The following ALMS1 variants were observed in gnomAD, a reference collection of about 807,000 sequenced individuals.
ALMS1 encodes the protein centrosome-associated protein ALMS1.
A neutral mutation model predicts 352.2 loss-of-function variants in ALMS1; 271 were observed. The ratio of observed to expected loss-of-function variants is 0.77; its 90% CI spans 0.70 to 0.85. The LOEUF (loss-of-function observed/expected upper bound fraction) is 0.85. Ranked by LOEUF, ALMS1 falls within the 40% of genes least tolerant of loss-of-function variation. The pLI is 0.00. For missense variants in ALMS1, 5,445 were observed against 4,870.7 expected, an observed-to-expected ratio of 1.12 and a Z score of -3.51; for synonymous variants, 1,865 against 1,761.2, an observed-to-expected ratio of 1.06 and a Z score of -1.48.
At chr2:73,458,940 G>A (rs1672129882) in intron 9 of ALMS1, 1 of 152,170 alleles carries the variant, frequency 6.6e-6, no homozygotes, top group African/African-American at 2.4e-5. Flanking sequence ...TTTCTATAAT[G>A]TACAAGACAG....
At chr2:73,404,095 A>C (rs1670926190) in intron 1 of ALMS1, among the ~76,000 whole-genome samples, 1 of 152,014 alleles carries the variant, frequency 6.6e-6, no homozygotes, top group Admixed American at 6.6e-5. Flanking sequence ...ATGGGGTTTC[A>C]CCATTGCTGG....
intron 10 of ALMS1, among the ~76,000 whole-genome samples, chr2:73,497,440 C>A (rs1433677313): frequency 6.6e-6 from 1 of 151,970 alleles, no homozygotes; most frequent in Non-Finnish European, 1.5e-5. Flanking sequence ...TTTTTTTAAG[C>A]CCATAGGTTT....
rs766133181 is a variant in ALMS1 at position 73,449,704 on chromosome 2, G to T, written c.3177G>T (p.Leu1059Phe). 1 of 1,613,808 alleles carries T rather than the reference G, an allele frequency of 6.2e-7. No individual in the cohort carries two copies. Among genetic ancestry groups the T allele is most frequent in the African/African-American group, 1.3e-5 (1 of 74,840 alleles). ...SYPQREKPSV[L>F]YPQVLSDSHL... ...CACAGAGGGAGAAGCCTAGTGTTTT[G>T]TACCCACAGGTGTTATCAGACAGTC... The change falls in exon 8 of 23, where the codon TTG (leucine) becomes TTT (phenylalanine). Residue 1059 changes from leucine (L) to phenylalanine (F), a missense_variant. Coordinates refer to ENST00000613296, the MANE Select transcript of ALMS1 (RefSeq NM_001378454.1).
chr2:73,514,506 C>T (rs1311968800), intron 10 of ALMS1, among the ~76,000 whole-genome samples: 1 of 152,172 alleles, frequency 6.6e-6, no homozygotes, highest in African/African-American at 2.4e-5. Context: ...TTCTGAATCC[C>T]ACAGGACATT....
In ALMS1 at chr2:73,452,562, C is replaced by T. The variant is rs750993966; in HGVS notation, c.6035C>T (p.Pro2012Leu). ...HIPDDQKTEF[P>L]AATLSSYSQI... ...CCAGATGACCAGAAAACTGAGTTTC[C>T]AGCAGCTACCCTTAGTTCCTACTCA... The change falls in exon 8 of 23, where the codon CCA (proline) becomes CTA (leucine). Residue 2012 changes from proline to leucine, a missense_variant. By Grantham distance (98) the Pro-to-Leu change is moderately conservative. Transcript: ENST00000613296. 1.9e-6 allele frequency: 3 copies of T among 1,613,996 alleles called. No individual in the cohort carries two copies. Among genetic ancestry groups the T allele is most frequent in the East Asian group, 2.2e-5 (1 of 44,872 alleles).
rs1671840034 is a variant in ALMS1 at position 73,447,982 on chromosome 2, A to T, written c.1455A>T (p.Ile485=). 1.4e-5 allele frequency: 22 copies of T among 1,612,938 alleles called. No homozygotes were observed. Among genetic ancestry groups the T allele is most frequent in the Non-Finnish European group, 1.9e-5 (22 of 1,179,398 alleles). Reference sequence around the variant, plus strand: ...TAGGAGACACTTCTAAAGGAGGCATAGCTAAAGTTACTCAATCCAACTTGA... The same window carrying T: ...TAGGAGACACTTCTAAAGGAGGCATTGCTAAAGTTACTCAATCCAACTTGA... The part of the protein sequence containing the change: ...LKAGDTSKGG[I]AKVTQSNLKS... Residue 485 remains isoleucine, a synonymous_variant, in exon 8 of 23, where the codon ATA becomes ATT. Coordinates refer to ENST00000613296, the MANE Select transcript of ALMS1 (RefSeq NM_001378454.1).
chr2:73,459,403 T>C (rs914525606), intron 9 of ALMS1: 1 of 152,178 alleles, frequency 6.6e-6, no homozygotes, highest in Non-Finnish European at 1.5e-5. Flanking sequence ...ACTGTAAATA[T>C]CTCTAGTTTA....
chr2:73,561,889 C>G (rs1430907886), intron 15 of ALMS1, among the ~76,000 whole-genome samples: 3 of 151,248 alleles, frequency 2.0e-5, no homozygotes, highest in African/African-American at 7.3e-5. Context: ...GTTTTACACT[C>G]TGAATAATTT....
At chr2:73,462,142 A>G (rs1412642215) in intron 9 of ALMS1, among the ~76,000 whole-genome samples, 2 of 152,106 alleles carry the variant, frequency 1.3e-5, no homozygotes, top group Non-Finnish European at 2.9e-5. Flanking sequence ...CAACTCCAAG[A>G]CACATTAATT....
rs1352896007 is a variant in ALMS1, at chr2:73,415,770, G to A, written c.451-3353G>A. 2.0e-5 allele frequency among the ~76,000 whole-genome samples: 3 copies of A among 152,246 alleles called. No homozygotes were observed. The East Asian group carries it at 5.8e-4, about 29-fold the overall frequency. On this transcript the variant is annotated intron_variant, in intron 2 of 22. Transcript: ENST00000613296. ...GCTGATTGGATTCATGCAAGGAGACGGTTCCATCAGTGTTAGCTTTTGCTG... is the reference window on the plus strand; with the variant it reads ...GCTGATTGGATTCATGCAAGGAGACAGTTCCATCAGTGTTAGCTTTTGCTG...
At chr2:73,592,654 A>G (rs964239528) in intron 16 of ALMS1, among the ~76,000 whole-genome samples, 4 of 152,252 alleles carry the variant, frequency 2.6e-5, no homozygotes, top group African/African-American at 7.2e-5. Context: ...CCTGAAGAAT[A>G]GCAGTGTAGG....
intron 9 of ALMS1, among the ~76,000 whole-genome samples, chr2:73,488,528 C>T (rs1261835610): frequency 6.6e-6 from 1 of 152,144 alleles, no homozygotes; most frequent in Non-Finnish European, 1.5e-5. Flanking sequence ...CAGCTGTGCC[C>T]AGGAGGGTGG....
At chr2:73,580,881 G>A (rs145416380) in intron 16 of ALMS1, among the ~76,000 whole-genome samples, 2 of 152,148 alleles carry the variant, frequency 1.3e-5, no homozygotes, top group East Asian at 3.9e-4. Context: ...AAATGCCTGG[G>A]GCCGAAAAAA....
chr2:73,464,560 A>G (rs1380317731), intron 9 of ALMS1, among the ~76,000 whole-genome samples: 1 of 151,938 alleles, frequency 6.6e-6, no homozygotes, highest in Non-Finnish European at 1.5e-5. Flanking sequence ...CTCTCTCACC[A>G]CTCCTATTCA....
intron 15 of ALMS1, 29 bp from the exon 16 acceptor site, chr2:73,572,233 C>T: frequency 6.3e-7 from 1 of 1,579,652 alleles, no homozygotes; most frequent in Non-Finnish European, 8.6e-7. Context: ...TTTTTAAGTT[C>T]TTTCAAAATC....
chr2:73,454,737 C>T (rs1366585520), intron 8 of ALMS1, among the ~76,000 whole-genome samples: 2 of 152,126 alleles, frequency 1.3e-5, no homozygotes, highest in African/African-American at 2.4e-5. Flanking sequence ...ACCTAGAAAT[C>T]GTCCCTTGAG....
chr2:73,534,412 G>A (rs962835492), intron 11 of ALMS1, among the ~76,000 whole-genome samples: 5 of 152,112 alleles, frequency 3.3e-5, no homozygotes, highest in African/African-American at 9.7e-5. Context: ...GTTAGGGTTC[G>A]ATGTAAGATA....
intron 9 of ALMS1, among the ~76,000 whole-genome samples, chr2:73,474,447 CT>C (rs1482128164): frequency 6.7e-6 from 1 of 148,256 alleles, no homozygotes; most frequent in Non-Finnish European, 1.5e-5. Context: ...CTACTTATTT[CT>C]TTTTTGGTTT....
intron 21 of ALMS1, among the ~76,000 whole-genome samples, chr2:73,605,952 C>G (rs1458311183): frequency 6.6e-6 from 1 of 152,050 alleles, no homozygotes; most frequent in East Asian, 1.9e-4. Flanking sequence ...TCTCTCGTTT[C>G]CAAGTACGTG....
Sources: gnomAD v4.1 joint callset for allele counts (sites outside exome capture counted in the v4.1 genomes callset) on GRCh38, gnomAD v4.1.1 for gene constraint, MANE v1.5 for transcripts, NCBI Gene and HGNC (gene_info 2026-07-23, HGNC 2026-07-21) for gene names.